The following PCDH8 variants were observed in gnomAD, a reference collection of about 807,000 sequenced individuals.
PCDH8 encodes the protein protocadherin-8.
A neutral mutation model predicts 58.2 loss-of-function variants in PCDH8; 36 were observed. That is an observed-to-expected ratio of 0.62 (90% confidence interval 0.47 to 0.82). The LOEUF (loss-of-function observed/expected upper bound fraction) is 0.82, where lower values mean the gene tolerates loss of function less well. Among genes scored for constraint, PCDH8 ranks in the 40% least tolerant of loss-of-function variants. PCDH8 has a pLI of 0.00. For synonymous variants in PCDH8, 775 were observed against 728.9 expected (o/e 1.06, Z -1.02); for missense variants, 1,493 against 1,567.8 (o/e 0.95, Z 0.81).
chr13:52,847,885 C>G lies in PCDH8; in HGVS notation c.552G>C (p.Glu184Asp). Reference protein sequence around the residue: ...LAEPHSPFRVELQTRADGAQC... With the variant: ...LAEPHSPFRVDLQTRADGAQC... The stretch of plus-strand genomic sequence containing the variant: ...GAGCGCCGTCCGCTCGCGTCTGCAG[C>G]TCCACGCGAAAGGGGCTGTGCGGCT... Residue 184 changes from glutamate to aspartate, a missense_variant, in exon 1 of 3, where the codon GAG becomes GAC. Around this residue, in one of 3 missense-constraint regions of PCDH8, gnomAD observed 1,307 missense variants for 1,362.7 expected, o/e 0.96. Coordinates refer to ENST00000377942, the MANE Select transcript of PCDH8 (RefSeq NM_002590.4). The G allele has an allele frequency of 6.4e-7, 1 of 1,551,152 alleles. No individual in the cohort carries two copies. Among genetic ancestry groups the G allele is most frequent in the Non-Finnish European group, 8.7e-7 (1 of 1,153,736 alleles).
chr13:52,847,153 G>T lies in PCDH8; in HGVS notation c.1284C>A (p.Arg428=). The change falls in exon 1 of 3, where the codon CGC becomes CGA. Residue 428 remains arginine (R), a synonymous_variant. Coordinates refer to ENST00000377942, the MANE Select transcript of PCDH8 (RefSeq NM_002590.4). The part of the protein sequence containing the change: ...DRDSGANGQV[R]CALYGHEHFR... ...AGTGCTCGTGCCCATAGAGGGCGCA[G>T]CGCACTTGCCCGTTGGCGCCCGAGT... 1 of 1,522,986 alleles carries T rather than the reference G, an allele frequency of 6.6e-7. No homozygotes were observed. The allele number at this position is 1,522,986 out of a possible 1,614,324, so 94.3% of individuals were successfully genotyped here.
chr13:52,846,999 C>A lies in PCDH8; in HGVS notation c.1438G>T (p.Val480Leu). The change falls in exon 1 of 3, where the codon GTG becomes TTG. Residue 480 changes from valine (V) to leucine (L), a missense_variant. Val to Leu is a conservative substitution (Grantham distance 32, BLOSUM62 1). Around this residue, in one of 3 missense-constraint regions of PCDH8, gnomAD observed 1,307 missense variants for 1,362.7 expected, o/e 0.96. Transcript: ENST00000377942. Reference sequence around the variant, plus strand: ...CCCACACGCACCGTGTAGGGCCGCACTGTGCGCAGCGGGGGCGCGCCGCGA... The same window carrying A: ...CCCACACGCACCGTGTAGGGCCGCAATGTGCGCAGCGGGGGCGCGCCGCGA... ...EDRGAPPLRT[V>L]RPYTVRVGDE... 1 of 1,579,032 alleles carries A rather than the reference C, an allele frequency of 6.3e-7. No individual in the cohort carries two copies.
At position 52,845,842 on chromosome 13, in the gene PCDH8, G is replaced by C. The variant is rs543309389; in HGVS notation, c.2595C>G (p.Phe865Leu). The change falls in exon 1 of 3, where the codon TTC becomes TTG. Residue 865 changes from phenylalanine (F) to leucine (L), a missense_variant. This residue lies in a region of PCDH8 where 1,307 missense variants were observed against 1,362.7 expected (regional missense o/e 0.96). Transcript: ENST00000377942. ...GSATGESACHFEGQQRLRGAH... is the reference protein window; with the variant it reads ...GSATGESACHLEGQQRLRGAH... ...CGCCGCGGAGCCGCTGCTGCCCCTC[G>C]AAGTGACAGGCGCTTTCCCCAGTGG... 1.3e-6 allele frequency: 2 copies of C among 1,517,846 alleles called. No homozygotes were observed. Among genetic ancestry groups the C allele is most frequent in the East Asian group, 2.5e-5 (1 of 40,784 alleles). The allele number at this position is 1,517,846 out of a possible 1,614,324, so 94.0% of individuals were successfully genotyped here.
Position 52,847,139 on chromosome 13 carries a change from C to T in PCDH8, c.1298G>A (p.Gly433Glu). 1 of 1,537,308 alleles carries T rather than the reference C, an allele frequency of 6.5e-7. No homozygotes were observed. Among genetic ancestry groups the T allele is most frequent in the Non-Finnish European group, 8.7e-7 (1 of 1,150,052 alleles). ...CGGCTGCAGCCGGAAGTGCTCGTGC[C>T]CATAGAGGGCGCAGCGCACTTGCCC... ...ANGQVRCALY[G>E]HEHFRLQPAY... Residue 433 changes from glycine (G) to glutamate (E), a missense_variant, in exon 1 of 3, where the codon GGG becomes GAG. Physicochemically the swap from Gly to Glu is moderately conservative, Grantham distance 98. Around this residue, in one of 3 missense-constraint regions of PCDH8, gnomAD observed 1,307 missense variants for 1,362.7 expected, o/e 0.96. Transcript: ENST00000377942.
In PCDH8 at chr13:52,847,135, G is replaced by A. The variant is rs775904173; in HGVS notation, c.1302C>T (p.His434=). The A allele has an allele frequency of 2.6e-6, 4 of 1,543,878 alleles. No individual in the cohort carries two copies. The highest frequency in any genetic ancestry group is 1.9e-5 in the Admixed American group (1 of 53,194). ...AGGCCGGCTGCAGCCGGAAGTGCTCGTGCCCATAGAGGGCGCAGCGCACTT... is the reference window on the plus strand; with the variant it reads ...AGGCCGGCTGCAGCCGGAAGTGCTCATGCCCATAGAGGGCGCAGCGCACTT... The part of the protein sequence containing the change: ...NGQVRCALYG[H]EHFRLQPAYA... Residue 434 remains histidine (H), a synonymous_variant, in exon 1 of 3, where the codon CAC becomes CAT. Transcript: ENST00000377942.
chr13:52,845,589 G>C lies in PCDH8; in HGVS notation c.2675C>G (p.Pro892Arg). 6.2e-7 allele frequency: 1 copy of C among 1,614,136 alleles called. No individual in the cohort carries two copies. Reference protein sequence around the residue: ...SPGFGKEPAPPVAVWKGHSFN... With the variant: ...SPGFGKEPAPRVAVWKGHSFN... The stretch of plus-strand genomic sequence containing the variant: ...GGAGTGTCCTTTCCACACCGCCACA[G>C]GGGGCGCCGGCTCCTTTCCAAAACC... The change falls in exon 2 of 3, where the codon CCT (proline) becomes CGT (arginine). Residue 892 changes from proline to arginine, a missense_variant. Pro to Arg is a moderately radical substitution (Grantham distance 103, BLOSUM62 -2). Around this residue, in one of 3 missense-constraint regions of PCDH8, gnomAD observed 1,307 missense variants for 1,362.7 expected, o/e 0.96. Coordinates refer to ENST00000377942, the MANE Select transcript of PCDH8 (RefSeq NM_002590.4).
At position 52,846,813 on chromosome 13, in the gene PCDH8, C is replaced by A; in HGVS notation, c.1624G>T (p.Gly542Cys). ...VTYRLLEAEV[G>C]RAGGAVSTYV... ...GTGGACACGGCGCCCCCGGCGCGGC[C>A]CACCTCGGCCTCCAGCAGCCGGTAG... The change falls in exon 1 of 3, where the codon GGC becomes TGC. Residue 542 changes from glycine to cysteine, a missense_variant. Coordinates refer to ENST00000377942, the MANE Select transcript of PCDH8 (RefSeq NM_002590.4). 1 of 1,550,536 alleles carries A rather than the reference C, an allele frequency of 6.4e-7. No homozygotes were observed. The highest frequency in any genetic ancestry group is 1.2e-5 in the South Asian group (1 of 85,526).
Position 52,847,134 on chromosome 13 carries a change from C to G in PCDH8, c.1303G>C (p.Glu435Gln), listed in dbSNP as rs770366898. Residue 435 changes from glutamate (E) to glutamine (Q), a missense_variant, in exon 1 of 3, where the codon GAG becomes CAG. This residue lies in a region of PCDH8 where 1,307 missense variants were observed against 1,362.7 expected (regional missense o/e 0.96). Coordinates refer to ENST00000377942, the MANE Select transcript of PCDH8 (RefSeq NM_002590.4). The stretch of plus-strand genomic sequence containing the variant: ...TAGGCCGGCTGCAGCCGGAAGTGCT[C>G]GTGCCCATAGAGGGCGCAGCGCACT... ...GQVRCALYGH[E>Q]HFRLQPAYAG... is the part of the protein sequence containing the mutation. 4 of 1,544,896 alleles carry G rather than the reference C, an allele frequency of 2.6e-6. No individual in the cohort carries two copies. The African/African-American group carries it at 5.6e-5, about 22-fold the overall frequency.
At position 52,848,433 on chromosome 13, in the gene PCDH8, T is replaced by C; in HGVS notation, c.4A>G (p.Ser2Gly). The change falls in exon 1 of 3, where the codon AGT becomes GGT. Residue 2 changes from serine to glycine, a missense_variant. Around this residue, in one of 3 missense-constraint regions of PCDH8, gnomAD observed 1,307 missense variants for 1,362.7 expected, o/e 0.96. Coordinates refer to ENST00000377942, the MANE Select transcript of PCDH8 (RefSeq NM_002590.4). M[S>G]PVRRWGSPCL... ...GGGCTGCCCCAACGCCTCACAGGAC[T>C]CATGCCTCCAGCCTCAAGTGCGATC... is the stretch of plus-strand genomic sequence containing the variant. 3 of 1,594,478 alleles carry C rather than the reference T, an allele frequency of 1.9e-6. No homozygotes were observed. The highest frequency in any genetic ancestry group is 1.3e-5 in the African/African-American group (1 of 74,706).
In PCDH8 at chr13:52,848,035, G is replaced by T. The variant is rs1319692252; in HGVS notation, c.402C>A (p.Arg134=). The change falls in exon 1 of 3, where the codon CGC becomes CGA. Residue 134 remains arginine (R), a synonymous_variant. Transcript: ENST00000377942. ...EVRDVNDHAP[R]FPRAQIPVEV... ...CTACCGGGATCTGGGCCCTGGGGAA[G>T]CGCGGCGCGTGGTCGTTGACGTCCC... 2.5e-6 allele frequency: 4 copies of T among 1,611,324 alleles called. No homozygotes were observed. Among genetic ancestry groups the T allele is most frequent in the Non-Finnish European group, 3.4e-6 (4 of 1,178,548 alleles).
rs767864013 is a variant in PCDH8 at position 52,845,932 on chromosome 13, G to C, written c.2505C>G (p.Pro835=). The change falls in exon 1 of 3, where the codon CCC becomes CCG. Residue 835 remains proline, a synonymous_variant. Transcript: ENST00000377942. ...PGTGKAPFGS[P]AADAPPPAVA... is the part of the protein sequence containing the mutation. ...CCGCAGGCGGAGGCGCGTCCGCCGC[G>C]GGGCTGCCAAAGGGCGCTTTGCCGG... The C allele has an allele frequency of 2.7e-6, 4 of 1,485,168 alleles. No individual in the cohort carries two copies. In the East Asian group the frequency reaches 1.1e-4, roughly 40 times the overall value. The allele number at this position is 1,485,168 out of a possible 1,614,324, so 92.0% of individuals were successfully genotyped here.
chr13:52,845,769 G>A, intron 1 of PCDH8, 37 bp downstream of exon 1: 1 of 1,498,372 alleles, frequency 6.7e-7, no homozygotes, highest in Non-Finnish European at 8.8e-7. Context: ...TGTCCGCGGA[G>A]CTCGGAGGGG....
intron 2 of PCDH8, 90 bp downstream of exon 2, chr13:52,845,335 G>A (rs549697877): frequency 8.3e-7 from 1 of 1,205,176 alleles, no homozygotes; most frequent in Non-Finnish European, 1.2e-6. Context: ...GAGGGAAGGG[G>A]GCTGGGAACC....
intron 2 of PCDH8, 102 bp from the exon 3 acceptor site, chr13:52,845,035 A>G: frequency 7.8e-7 from 1 of 1,289,606 alleles, no homozygotes; most frequent in Non-Finnish European, 1.1e-6. Flanking sequence ...GGGCAGCTGA[A>G]AGGAAAGGCT....
In PCDH8 at chr13:52,845,772, C is replaced by G. The variant is rs1275560931; in HGVS notation, c.2631+34G>C. 4.0e-6 allele frequency: 6 copies of G among 1,497,168 alleles called. No individual in the cohort carries two copies. In the East Asian group the frequency reaches 1.5e-4, roughly 37 times the overall value. 92.7% of individuals were successfully genotyped at this position (1,497,168 alleles called of 1,614,324 possible). ...CTTCCCCCAGCCTGTCCGCGGAGCT[C>G]GGAGGGGGGCGCCCAGCCGAAGGAA... On this transcript the variant is annotated intron_variant, in intron 1 of 2. Transcript: ENST00000377942.
At position 52,844,608 on chromosome 13, in the gene PCDH8, A is replaced by T. The variant is rs766105550; in HGVS notation, c.3165T>A (p.Pro1055=). Reference sequence around the variant, plus strand: ...TCTTCGGGGACAGGTACCTGCCAGGAGGGGACTGGTAGAGGGGTACTCCAA... The same window carrying T: ...TCTTCGGGGACAGGTACCTGCCAGGTGGGGACTGGTAGAGGGGTACTCCAA... The part of the protein sequence containing the change: ...QEIGVPLYQS[P]PGRYLSPKKG... Residue 1055 remains proline (P), a synonymous_variant, in exon 3 of 3, where the codon CCT becomes CCA. Coordinates refer to ENST00000377942, the MANE Select transcript of PCDH8 (RefSeq NM_002590.4). The T allele has an allele frequency of 1.2e-6, 2 of 1,610,910 alleles. No homozygotes were observed. Among genetic ancestry groups the T allele is most frequent in the Non-Finnish European group, 1.7e-6 (2 of 1,178,422 alleles).
At chr13:52,845,055 G>C (rs1468406634) in intron 2 of PCDH8, 122 bp from the exon 3 acceptor site, 2 of 1,029,008 alleles carry the variant, frequency 1.9e-6, no homozygotes, top group Non-Finnish European at 2.8e-6. Context: ...TGTGCGCATA[G>C]ATATACACCG....
Position 52,847,080 on chromosome 13 carries a change from C to A in PCDH8, c.1357G>T (p.Ala453Ser), listed in dbSNP as rs201454740. 138 of 1,557,256 alleles carry A rather than the reference C, an allele frequency of 8.9e-5. No homozygotes were observed. The African/African-American group carries it at 1.5e-3, about 17-fold the overall frequency. Residue 453 changes from alanine (A) to serine (S), a missense_variant, in exon 1 of 3, where the codon GCG becomes TCG. Ala to Ser is a moderately conservative substitution (Grantham distance 99). This residue lies in a region of PCDH8 where 1,307 missense variants were observed against 1,362.7 expected (regional missense o/e 0.96). Transcript: ENST00000377942. ...GCGATGCGTTCGCGGTCCAGCGACG[C>A]CGCGGTCACCACCAGGTAGCTGCCC... is the stretch of plus-strand genomic sequence containing the variant. Reference protein sequence around the residue: ...YAGSYLVVTAASLDRERIAEY... With the variant: ...YAGSYLVVTASSLDRERIAEY...
rs1246198933 is a variant in PCDH8, at chr13:52,847,387, G to A, written c.1050C>T (p.Asn350=). The A allele has an allele frequency of 2.6e-6, 4 of 1,544,044 alleles. No homozygotes were observed. The highest frequency in any genetic ancestry group is 3.5e-6 in the Non-Finnish European group (4 of 1,152,552). The change falls in exon 1 of 3, where the codon AAC becomes AAT. Residue 350 remains asparagine (N), a synonymous_variant. Transcript: ENST00000377942. ...VIVRIRDVND[N]APDIAITPLA... is the part of the protein sequence containing the mutation. ...GCGGGGTGATGGCGATGTCGGGTGCGTTGTCATTGACGTCTCGGATGCGCA... is the reference window on the plus strand; with the variant it reads ...GCGGGGTGATGGCGATGTCGGGTGCATTGTCATTGACGTCTCGGATGCGCA...
Sources: allele counts gnomAD v4.1 joint callset, GRCh38; gene constraint gnomAD v4.1.1; regional missense constraint gnomAD v4.1.1; transcripts MANE v1.5; gene names NCBI Gene and HGNC (gene_info 2026-07-23, HGNC 2026-07-21).